NCAM2: variants seen among roughly 807,000 people sequenced by gnomAD.
The protein encoded by NCAM2 is N-CAM-2.
Under a neutral mutation model 98.1 loss-of-function variants are expected in NCAM2, and 30 were observed. The observed-to-expected ratio is 0.31, with a 90% CI of 0.23 to 0.41. The LOEUF is 0.41. NCAM2 is among the 10% of genes least tolerant of loss of function. The pLI is 1.00. For synonymous variants in NCAM2, 368 were observed against 342.4 expected (o/e 1.07, Z -0.83); for missense variants, 867 against 1,005.8 (o/e 0.86, Z 1.87).
chr21:21,477,187 A>G, intron 14 of NCAM2, 104 bp from the exon 15 acceptor site: 2 of 827,980 alleles, frequency 2.4e-6, no homozygotes, highest in Non-Finnish European at 3.5e-6. Context: ...AATTGTTCCA[A>G]TATCCAATAT....
chr21:21,124,101 C>T (rs774279269), intron 1 of NCAM2, among the ~76,000 whole-genome samples: 19 of 151,728 alleles, frequency 1.3e-4, no homozygotes, highest in Non-Finnish European at 2.5e-4. Flanking sequence ...CCCACCTCGG[C>T]GTCCCATAAT....
intron 5 of NCAM2, among the ~76,000 whole-genome samples, chr21:21,313,034 T>A (rs2099974): frequency 0.75 from 113,843 of 151,618 alleles, 42,832 homozygotes; most frequent in South Asian, 0.83. Context: ...TGGATTTTTT[T>A]AAATATTTTT....
chr21:21,394,873 G>T (rs2076468391), intron 9 of NCAM2, among the ~76,000 whole-genome samples: 1 of 152,132 alleles, frequency 6.6e-6, no homozygotes, highest in Admixed American at 6.5e-5. Context: ...ACAAATGTGG[G>T]TGTATTTCTC....
At chr21:21,160,500 CA>C (rs1165510539) in intron 1 of NCAM2, among the ~76,000 whole-genome samples, 1 of 151,778 alleles carries the variant, frequency 6.6e-6, no homozygotes, top group African/African-American at 2.4e-5. Flanking sequence ...TAAAGTCTTA[CA>C]ATATTTTCTA....
chr21:21,365,820 G>A (rs960285663), intron 8 of NCAM2, among the ~76,000 whole-genome samples: 1 of 152,046 alleles, frequency 6.6e-6, no homozygotes. Context: ...GGATACTGCA[G>A]AAAATGACTA....
chr21:21,100,272 A>C (rs995109362), intron 1 of NCAM2, among the ~76,000 whole-genome samples: 1 of 151,944 alleles, frequency 6.6e-6, no homozygotes, highest in African/African-American at 2.4e-5. Context: ...GGTTAAAGAG[A>C]TTATATCAAG....
intron 16 of NCAM2, 100 bp from the exon 17 acceptor site, chr21:21,534,437 T>C (rs1602580328): frequency 9.9e-7 from 1 of 1,006,360 alleles, no homozygotes. Flanking sequence ...TTGGATTTAT[T>C]TGGAGGAAGG....
chr21:21,218,570 G>C (rs956184746), intron 1 of NCAM2, among the ~76,000 whole-genome samples: 3 of 152,172 alleles, frequency 2.0e-5, no homozygotes, highest in Non-Finnish European at 2.9e-5. Context: ...GGTGGGTCCA[G>C]TGTAACCCCA....
At chr21:21,490,029 T>C (rs1986717195) in intron 15 of NCAM2, among the ~76,000 whole-genome samples, 1 of 152,044 alleles carries the variant, frequency 6.6e-6, no homozygotes, top group African/African-American at 2.4e-5. Flanking sequence ...AGATGAGAGT[T>C]TAATATCCAT....
At chr21:21,273,728 G>A (rs546183154) in intron 1 of NCAM2, among the ~76,000 whole-genome samples, 7 of 152,164 alleles carry the variant, frequency 4.6e-5, no homozygotes, top group South Asian at 2.1e-4. Flanking sequence ...GAGAGGGTTA[G>A]GGAGATAATT....
chr21:21,267,237 A>G (rs757807285), intron 1 of NCAM2, among the ~76,000 whole-genome samples: 18 of 152,178 alleles, frequency 1.2e-4, no homozygotes, highest in African/African-American at 2.2e-4. Context: ...ATTGATTGAG[A>G]AACTTGGTGA....
intron 1 of NCAM2, among the ~76,000 whole-genome samples, chr21:21,276,045 A>G (rs1003613938): frequency 6.6e-6 from 1 of 152,052 alleles, no homozygotes; most frequent in African/African-American, 2.4e-5. Flanking sequence ...GCCTTACCCA[A>G]TGTGGAATGC....
chr21:21,477,482 C>T lies in NCAM2; in HGVS notation c.2077+11C>T, dbSNP rs1230609871. 1.9e-6 allele frequency: 3 copies of T among 1,567,434 alleles called. No individual in the cohort carries two copies. The highest frequency in any genetic ancestry group is 4.6e-5 in the East Asian group (2 of 43,890). On this transcript the variant is annotated intron_variant, in intron 15 of 17. Coordinates refer to ENST00000400546, the MANE Select transcript of NCAM2 (RefSeq NM_004540.5). ...CCAACATTATTAAAGGTAAGCAAAACTATATTCTTTTTTAGACTGAACAAT... is the reference window on the plus strand; with the variant it reads ...CCAACATTATTAAAGGTAAGCAAAATTATATTCTTTTTTAGACTGAACAAT...
At chr21:21,272,458 C>G (rs1419829377) in intron 1 of NCAM2, among the ~76,000 whole-genome samples, 7 of 151,858 alleles carry the variant, frequency 4.6e-5, no homozygotes, top group Non-Finnish European at 1.0e-4. Flanking sequence ...AAAAACTACA[C>G]ACATATACCA....
chr21:21,324,266 T>C (rs915214564), intron 5 of NCAM2, 117 bp from the exon 6 acceptor site: 15 of 652,504 alleles, frequency 2.3e-5, no homozygotes, highest in Admixed American at 1.0e-4. Flanking sequence ...GTTTCATTAA[T>C]ATAAATGGAG....
chr21:21,063,210 C>CTTTTTTTTTTTTTTTT (rs11325446), intron 1 of NCAM2, among the ~76,000 whole-genome samples: 1 of 66,054 alleles, frequency 1.5e-5, no homozygotes, highest in East Asian at 4.3e-4. Context: ...TCTTTACATT[C>CTTTTTTTTTTTTTTTT]TTTTTTTTTT....
chr21:21,299,731 C>T (rs190624836), intron 5 of NCAM2, among the ~76,000 whole-genome samples: 42 of 151,938 alleles, frequency 2.8e-4, no homozygotes, highest in Admixed American at 4.0e-4. Context: ...CATGAGATCT[C>T]ATAGTACTAG....
intron 16 of NCAM2, among the ~76,000 whole-genome samples, chr21:21,532,308 G>A (rs1191413663): frequency 6.6e-6 from 1 of 151,872 alleles, no homozygotes; most frequent in Admixed American, 6.6e-5. Context: ...TATACAGTTA[G>A]TATATTATTT....
At chr21:21,261,243 A>G (rs181890984) in intron 1 of NCAM2, among the ~76,000 whole-genome samples, 12 of 152,298 alleles carry the variant, frequency 7.9e-5, no homozygotes, top group African/African-American at 2.4e-4. Flanking sequence ...AAGCAATACA[A>G]TAATAGTGGA....
Sources: gnomAD v4.1 joint callset for allele counts (sites outside exome capture counted in the v4.1 genomes callset) on GRCh38, gnomAD v4.1.1 for gene constraint, MANE v1.5 for transcripts, NCBI Gene and HGNC (gene_info 2026-07-23, HGNC 2026-07-21) for gene names.